STK38L: variants seen among roughly 807,000 people sequenced by gnomAD.
STK38L encodes serine/threonine-protein kinase 38-like.
In STK38L, 28 loss-of-function variants were observed where a neutral mutation model predicts 59.7. The observed-to-expected ratio is 0.47, with a 90% confidence interval of 0.35 to 0.64. The LOEUF (loss-of-function observed/expected upper bound fraction) is 0.64, where lower values mean the gene tolerates loss of function less well. STK38L is among the 30% of genes least tolerant of loss of function. The pLI, the probability that STK38L is intolerant of heterozygous loss-of-function variation, is 0.01. For synonymous variants in STK38L, 162 were observed against 176.8 expected, an observed-to-expected ratio of 0.92 and a Z score of 0.66; for missense variants, 314 against 555.8, an observed-to-expected ratio of 0.56 and a Z score of 4.37.
chr12:27,252,265 C>T (rs1289695172), intron 1 of STK38L, among the ~76,000 whole-genome samples: 1 of 152,196 alleles, frequency 6.6e-6, no homozygotes, highest in African/African-American at 2.4e-5. Flanking sequence ...AGGCATGAGC[C>T]ACCATGCCCG....
At chr12:27,251,077 C>T (rs1942966051) in intron 1 of STK38L, among the ~76,000 whole-genome samples, 1 of 150,838 alleles carries the variant, frequency 6.6e-6, no homozygotes, top group South Asian at 2.1e-4. Context: ...ACTACAAAAA[C>T]TTCTCCTTTT....
At chr12:27,313,405 G>A (rs1591937764) in intron 6 of STK38L, among the ~76,000 whole-genome samples, 1 of 152,108 alleles carries the variant, frequency 6.6e-6, no homozygotes, top group Admixed American at 6.6e-5. Flanking sequence ...TTTTTGAGAT[G>A]AAGTCTCGCT....
At chr12:27,309,246 G>T in intron 5 of STK38L, 49 bp downstream of exon 5, 1 of 1,341,406 alleles carries the variant, frequency 7.5e-7, no homozygotes, top group Non-Finnish European at 1.0e-6. Context: ...CACTGACGCA[G>T]TGTTAAGAGT....
rs183636668 is a variant in STK38L, at chr12:27,307,049, A to G, written c.187-1290A>G. 2.6e-3 allele frequency among the ~76,000 whole-genome samples: 402 copies of G among 152,238 alleles called. 4 individuals are homozygous for G. The highest frequency in any genetic ancestry group is 9.1e-3 in the African/African-American group (379 of 41,544). ...CGGCTTATCGCCTCACTTCTTACTG[A>G]AAAAAATAATCTTTCATTGTTGTTT... On this transcript the variant is annotated intron_variant, in intron 3 of 13. Transcript: ENST00000389032.
rs774856321 is a variant in STK38L at position 27,309,117 on chromosome 12, C to T, written c.313C>T (p.Arg105Trp). The T allele has an allele frequency of 2.0e-5, 31 of 1,577,288 alleles. No individual in the cohort carries two copies. Among genetic ancestry groups the T allele is most frequent in the Admixed American group, 5.4e-5 (3 of 55,420 alleles). The change falls in exon 5 of 14, where the codon CGG becomes TGG. Residue 105 changes from arginine to tryptophan, a missense_variant. Arg to Trp is a moderately radical substitution (Grantham distance 101, BLOSUM62 -3). Coordinates refer to ENST00000389032, the MANE Select transcript of STK38L (RefSeq NM_015000.4). ...VIGRGAFGEV[R>W]LVQKKDTGHI... ...ATATATGTTTTTTATCTTTTAGGTG[C>T]GGTTGGTCCAGAAGAAAGATACAGG...
intron 1 of STK38L, among the ~76,000 whole-genome samples, chr12:27,252,415 C>T (rs1409943597): frequency 7.4e-6 from 1 of 135,152 alleles, no homozygotes; most frequent in Non-Finnish European, 1.6e-5. Flanking sequence ...GACATACTAT[C>T]TTGTACTAGT....
chr12:27,310,579 A>C (rs1944431441), intron 5 of STK38L, among the ~76,000 whole-genome samples: 1 of 152,142 alleles, frequency 6.6e-6, no homozygotes, highest in Non-Finnish European at 1.5e-5. Flanking sequence ...AAATAAATAA[A>C]ATATTTCAAT....
intron 1 of STK38L, among the ~76,000 whole-genome samples, chr12:27,294,750 T>C (rs1943974581): frequency 6.6e-6 from 1 of 151,304 alleles, no homozygotes; most frequent in South Asian, 2.1e-4. Context: ...TCTTGCTCCA[T>C]CACCCAGGCT....
At chr12:27,283,566 A>T (rs556875999) in intron 1 of STK38L, among the ~76,000 whole-genome samples, 50 of 152,264 alleles carry the variant, frequency 3.3e-4, no homozygotes, top group African/African-American at 1.1e-3. Context: ...AGGGGGTGTA[A>T]CTCCAGTCTC....
intron 2 of STK38L, among the ~76,000 whole-genome samples, chr12:27,300,310 T>A (rs188970424): frequency 5.0e-4 from 76 of 152,246 alleles, no homozygotes; most frequent in African/African-American, 1.7e-3. Flanking sequence ...ATAAGAGCAT[T>A]TTAGGTGGAA....
At chr12:27,249,131 C>A (rs1311643798) in intron 1 of STK38L, among the ~76,000 whole-genome samples, 1 of 152,220 alleles carries the variant, frequency 6.6e-6, no homozygotes, top group Admixed American at 6.5e-5. Flanking sequence ...CCACCAGGAA[C>A]AGCTTATCTG....
intron 1 of STK38L, among the ~76,000 whole-genome samples, chr12:27,291,741 T>C (rs949424961): frequency 2.0e-5 from 3 of 152,220 alleles, no homozygotes; most frequent in African/African-American, 7.2e-5. Context: ...TAGGGCATTA[T>C]GATTGCAACT....
At chr12:27,299,458 A>G (rs1413970920) in intron 2 of STK38L, among the ~76,000 whole-genome samples, 2 of 152,228 alleles carry the variant, frequency 1.3e-5, no homozygotes, top group African/African-American at 4.8e-5. Flanking sequence ...GAAATTCCAA[A>G]AAGTTCCATT....
chr12:27,269,262 T>G (rs3928198), intron 1 of STK38L, among the ~76,000 whole-genome samples: 102,584 of 152,000 alleles, frequency 0.67, 34,663 homozygotes, highest in Middle Eastern at 0.69. Flanking sequence ...AGGTCTAACA[T>G]GTAAGTCTTT....
intron 1 of STK38L, among the ~76,000 whole-genome samples, chr12:27,273,420 A>G (rs1354696715): frequency 1.3e-5 from 2 of 152,194 alleles, no homozygotes; most frequent in Non-Finnish European, 2.9e-5. Context: ...GTTTTATAAC[A>G]TTTATAACAT....
At chr12:27,312,731 A>G (rs1374968379) in intron 6 of STK38L, 59 bp downstream of exon 6, 17 of 1,580,432 alleles carry the variant, frequency 1.1e-5, no homozygotes, top group South Asian at 1.2e-5. Context: ...ATATGCAACA[A>G]TAATTTTATT....
intron 1 of STK38L, among the ~76,000 whole-genome samples, chr12:27,284,846 G>T (rs1046850720): frequency 6.6e-6 from 1 of 152,086 alleles, no homozygotes; most frequent in Non-Finnish European, 1.5e-5. Context: ...CTGCCTCAAA[G>T]TTTTTTGTAT....
intron 12 of STK38L, among the ~76,000 whole-genome samples, chr12:27,319,695 A>G (rs1944676726): frequency 6.6e-6 from 1 of 152,232 alleles, no homozygotes; most frequent in South Asian, 2.1e-4. Flanking sequence ...TAGCACATGA[A>G]ACATGTATTT....
chr12:27,315,626 G>T (rs1401122440), intron 9 of STK38L, among the ~76,000 whole-genome samples: 1 of 152,154 alleles, frequency 6.6e-6, no homozygotes, highest in Non-Finnish European at 1.5e-5. Flanking sequence ...AAAACTCACT[G>T]AGGTGAATGC....
Sources: gnomAD v4.1 joint callset for allele counts (sites outside exome capture counted in the v4.1 genomes callset) on GRCh38, gnomAD v4.1.1 for gene constraint, MANE v1.5 for transcripts, NCBI Gene and HGNC (gene_info 2026-07-23, HGNC 2026-07-21) for gene names.